The following CHODL variants were observed in gnomAD, a reference collection of about 807,000 sequenced individuals.
CHODL encodes the protein transmembrane protein MT75.
In CHODL, 29 loss-of-function variants were observed where a neutral mutation model predicts 34.5. That is an observed-to-expected ratio of 0.84 (90% CI 0.63 to 1.15). The LOEUF is 1.15. Ranked by LOEUF, CHODL falls within the 50% of genes most tolerant of loss-of-function variation. The pLI is 0.00. For synonymous variants in CHODL, 125 were observed against 116.1 expected (o/e 1.08, Z -0.49); for missense variants, 332 against 332.5 (o/e 1.00, Z 0.01).
intron 2 of CHODL, among the ~76,000 whole-genome samples, chr21:18,116,257 A>T (rs1250227932): frequency 6.6e-6 from 1 of 152,074 alleles, no homozygotes; most frequent in Non-Finnish European, 1.5e-5. Flanking sequence ...TTCTGTTGGA[A>T]ATTCCAAATT....
intron 1 of CHODL, among the ~76,000 whole-genome samples, chr21:17,961,224 C>G (rs1024029142): frequency 6.6e-6 from 1 of 152,178 alleles, no homozygotes; most frequent in Non-Finnish European, 1.5e-5. Flanking sequence ...AGCATGTTCT[C>G]TTACCTCTTC....
intron 2 of CHODL, among the ~76,000 whole-genome samples, chr21:18,208,045 TTCTATC>T (rs1329210411): frequency 2.0e-5 from 3 of 152,144 alleles, no homozygotes; most frequent in African/African-American, 7.2e-5. Context: ...TGAATAAACT[TTCTATC>T]CCTATCTGTT....
At chr21:18,103,443 T>C (rs961674946) in intron 2 of CHODL, among the ~76,000 whole-genome samples, 2 of 152,066 alleles carry the variant, frequency 1.3e-5, no homozygotes, top group Admixed American at 6.6e-5. Context: ...TTTTTGATTA[T>C]ATACTGCCAA....
intron 2 of CHODL, among the ~76,000 whole-genome samples, chr21:18,069,842 T>C (rs2064774679): frequency 6.6e-6 from 1 of 151,978 alleles, no homozygotes; most frequent in African/African-American, 2.4e-5. Flanking sequence ...ACTCCTGGGC[T>C]CAAGTGATCG....
intron 1 of CHODL, among the ~76,000 whole-genome samples, chr21:17,923,160 C>G (rs2063195721): frequency 6.6e-6 from 1 of 152,134 alleles, no homozygotes; most frequent in African/African-American, 2.4e-5. Context: ...CAGGTTTGCC[C>G]TAAGTAGTCC....
At chr21:17,935,124 T>C (rs1285729791) in intron 1 of CHODL, among the ~76,000 whole-genome samples, 2 of 152,236 alleles carry the variant, frequency 1.3e-5, no homozygotes, top group Non-Finnish European at 2.9e-5. Context: ...GAGACTGGAC[T>C]GTCCAAATTG....
chr21:18,057,654 T>C (rs1463208582), intron 2 of CHODL, among the ~76,000 whole-genome samples: 1 of 152,022 alleles, frequency 6.6e-6, no homozygotes, highest in Non-Finnish European at 1.5e-5. Flanking sequence ...GCCCTGCCTA[T>C]TCCATAATCT....
At chr21:18,037,440 C>T (rs181750927) in intron 2 of CHODL, among the ~76,000 whole-genome samples, 2 of 151,876 alleles carry the variant, frequency 1.3e-5, no homozygotes, top group Admixed American at 1.3e-4. Flanking sequence ...TTATCCATAG[C>T]AGGAAACAGG....
rs536594861 is a variant in CHODL at position 18,037,314 on chromosome 21, A to T, written c.-45+9343A>T. Among the ~76,000 whole-genome samples the T allele has an allele frequency of 3.5e-4, 53 of 152,048 alleles. No individual in the cohort carries two copies. The South Asian group carries it at 0.01, about 29-fold the overall frequency. ...GACTTTTAAAAAATTTTAGGTGTGG[A>T]AAATTCTTATTTTGTTAGTAGGAGT... On this transcript the variant is annotated intron_variant, in intron 2 of 6. Transcript: ENST00000400127.
At chr21:18,185,232 C>T (rs2073427022) in intron 2 of CHODL, among the ~76,000 whole-genome samples, 1 of 152,040 alleles carries the variant, frequency 6.6e-6, no homozygotes, top group Non-Finnish European at 1.5e-5. Context: ...TCTATGTGTT[C>T]TCATTGTTCA....
At chr21:18,210,695 A>T (rs1224123823) in intron 2 of CHODL, among the ~76,000 whole-genome samples, 1 of 152,136 alleles carries the variant, frequency 6.6e-6, no homozygotes, top group Non-Finnish European at 1.5e-5. Context: ...CATAGCTACT[A>T]CCTTGGTTAG....
chr21:17,921,390 A>C (rs1352585160), intron 1 of CHODL, among the ~76,000 whole-genome samples: 1 of 152,248 alleles, frequency 6.6e-6, no homozygotes, highest in Non-Finnish European at 1.5e-5. Context: ...ACATAAAATT[A>C]ACCACCAAGG....
chr21:18,136,526 G>C (rs1007702748), intron 2 of CHODL, among the ~76,000 whole-genome samples: 1 of 152,014 alleles, frequency 6.6e-6, no homozygotes, highest in Non-Finnish European at 1.5e-5. Flanking sequence ...GCACCACTGA[G>C]TGTTTTATAT....
chr21:18,245,407 T>C, intron 1 of CHODL, 105 bp downstream of exon 1: 7 of 948,814 alleles, frequency 7.4e-6, no homozygotes, highest in Non-Finnish European at 1.1e-5. Context: ...GTTGGAAACC[T>C]GCATGGTGTA....
intron 1 of CHODL, among the ~76,000 whole-genome samples, chr21:17,923,874 A>T (rs561782797): frequency 1.6e-4 from 25 of 152,246 alleles, no homozygotes; most frequent in Admixed American, 6.5e-5. Context: ...AAAGATGGCA[A>T]CACAAAGATA....
intron 2 of CHODL, among the ~76,000 whole-genome samples, chr21:18,204,567 T>C (rs1392607586): frequency 6.6e-6 from 1 of 152,154 alleles, no homozygotes; most frequent in African/African-American, 2.4e-5. Flanking sequence ...TAAATGTCAG[T>C]AATGATACTA....
intron 2 of CHODL, among the ~76,000 whole-genome samples, chr21:18,088,166 C>T (rs535203245): frequency 8.5e-5 from 13 of 152,252 alleles, no homozygotes; most frequent in African/African-American, 3.1e-4. Context: ...ACGAGCCAAA[C>T]CATATCAGCC....
At chr21:18,250,736 G>C (rs1414824780) in intron 1 of CHODL, among the ~76,000 whole-genome samples, 1 of 151,860 alleles carries the variant, frequency 6.6e-6, no homozygotes, top group East Asian at 1.9e-4. Flanking sequence ...CAGTGTGATT[G>C]TGAGGGGGGT....
intron 2 of CHODL, among the ~76,000 whole-genome samples, chr21:18,117,510 T>A (rs1175437260): frequency 6.6e-6 from 1 of 152,224 alleles, no homozygotes; most frequent in African/African-American, 2.4e-5. Context: ...CAGCTGTGTC[T>A]GCTTCAATTC....
Sources: gnomAD v4.1 joint callset for allele counts (sites outside exome capture counted in the v4.1 genomes callset) on GRCh38, gnomAD v4.1.1 for gene constraint, MANE v1.5 for transcripts, NCBI Gene and HGNC (gene_info 2026-07-23, HGNC 2026-07-21) for gene names.